The following NLRC4 variants were observed in gnomAD, a reference collection of about 807,000 sequenced individuals.
The protein encoded by NLRC4 is NLR family CARD domain-containing protein 4.
A neutral mutation model predicts 79.9 loss-of-function variants in NLRC4; 63 were observed. The observed-to-expected ratio is 0.79, with a 90% CI of 0.64 to 0.97. The LOEUF (loss-of-function observed/expected upper bound fraction) is 0.97, where lower values mean the gene tolerates loss of function less well. Among genes scored for constraint, NLRC4 ranks in the 50% least tolerant of loss-of-function variants. The pLI is 0.00. For missense variants in NLRC4, 1,074 were observed against 1,215.2 expected (o/e 0.88, Z 1.73); for synonymous variants, 461 against 456.5 (o/e 1.01, Z -0.12).
intron 8 of NLRC4, among the ~76,000 whole-genome samples, chr2:32,231,572 T>TGCCG (rs757448591): frequency 0.065 from 3,884 of 59,384 alleles, 395 homozygotes; most frequent in Middle Eastern, 0.087. Flanking sequence ...TATTTTTTTT[T>TGCCG]GTGGGGGGGG....
At chr2:32,251,624 A>G in intron 3 of NLRC4, 23 bp from the exon 4 acceptor site, 2 of 1,509,052 alleles carry the variant, frequency 1.3e-6, no homozygotes, top group Non-Finnish European at 1.8e-6. Flanking sequence ...AGGTGATGTT[A>G]AAGAAGACCC....
chr2:32,238,252 A>G lies in NLRC4; in HGVS notation c.2401T>C (p.Leu801=), dbSNP rs767362315. Residue 801 remains leucine, a synonymous_variant, in exon 6 of 9, where the codon TTG becomes CTG. Transcript: ENST00000402280. ...KKMCLFHLTH[L]SDIGEGMDYI... is the part of the protein sequence containing the mutation. ...TCCATTCCCTCTCCAATGTCAGACA[A>G]GTGGGTCAAATGAAATAAACACATC... 43 of 1,612,840 alleles carry G rather than the reference A, an allele frequency of 2.7e-5. No homozygotes were observed. The highest frequency in any genetic ancestry group is 3.6e-5 in the Non-Finnish European group (42 of 1,179,616).
rs1687020025 is a variant in NLRC4, at chr2:32,249,697, G to A, written c.2167C>T (p.Pro723Ser). 6.2e-7 allele frequency: 1 copy of A among 1,613,818 alleles called. No homozygotes were observed. Among genetic ancestry groups the A allele is most frequent in the African/African-American group, 1.3e-5 (1 of 74,902 alleles). ...NIYSLMVEAS[P>S]LTIEDERHIT... ...TGCCTCTCATCTTCTATGGTGAGGG[G>A]ACTGGCTTCCACCATGAGAGAATAA... is the stretch of plus-strand genomic sequence containing the variant. Residue 723 changes from proline to serine, a missense_variant, in exon 4 of 9, where the codon CCC (proline) becomes TCC (serine). Coordinates refer to ENST00000402280, the MANE Select transcript of NLRC4 (RefSeq NM_001199138.2).
chr2:32,245,727 C>G (rs1686919870), intron 4 of NLRC4, among the ~76,000 whole-genome samples: 1 of 151,802 alleles, frequency 6.6e-6, no homozygotes, highest in South Asian at 2.1e-4. Context: ...TCTCATGTAC[C>G]CCATAAATAT....
Position 32,227,074 on chromosome 2 carries a change from C to G in NLRC4, c.2783-2309G>C, listed in dbSNP as rs541864315. ...TGTGTGCAACTTCCATGTCACTTTTCCGCTTTTCCCCTCTTCTACTAGGTT... is the reference window on the plus strand; with the variant it reads ...TGTGTGCAACTTCCATGTCACTTTTGCGCTTTTCCCCTCTTCTACTAGGTT... On this transcript the variant is annotated intron_variant, in intron 8 of 8. Coordinates refer to ENST00000402280, the MANE Select transcript of NLRC4 (RefSeq NM_001199138.2). 3.3e-5 allele frequency among the ~76,000 whole-genome samples: 5 copies of G among 152,188 alleles called. No individual in the cohort carries two copies. The East Asian group carries it at 9.6e-4, about 29-fold the overall frequency.
At chr2:32,265,260 A>C (rs750150092), upstream of NLRC4, among the ~76,000 whole-genome samples, 1 of 152,030 alleles carries the variant, frequency 6.6e-6, no homozygotes, top group Non-Finnish European at 1.5e-5. Flanking sequence ...AGCTCACTGC[A>C]ACCTCTGCCT....
rs35323064 is a variant in NLRC4 at position 32,225,409 on chromosome 2, A to ATGTGTGTG, written c.2783-652_2783-645dup. Among the ~76,000 whole-genome samples the ATGTGTGTG allele has an allele frequency of 2.1e-4, 31 of 149,196 alleles. No homozygotes were observed. The East Asian group carries it at 4.3e-3, about 20-fold the overall frequency. ...ACACACACACACATACATACAAAGG[A>ATGTGTGTG]TGTGTGTGTGTGTGTGTGTGTGTGT... On this transcript the variant is annotated intron_variant, in intron 8 of 8. Coordinates refer to ENST00000402280, the MANE Select transcript of NLRC4 (RefSeq NM_001199138.2).
chr2:32,264,405 G>T (rs982506739), intron 1 of NLRC4, among the ~76,000 whole-genome samples: 6 of 145,244 alleles, frequency 4.1e-5, no homozygotes, highest in Admixed American at 7.0e-5. Context: ...CTGCAGTCCA[G>T]CCTGGGTGAC....
Position 32,251,218 on chromosome 2 carries a change from G to C in NLRC4, c.646C>G (p.Leu216Val), listed in dbSNP as rs992667122. 1 of 1,614,058 alleles carries C rather than the reference G, an allele frequency of 6.2e-7. No individual in the cohort carries two copies. Among genetic ancestry groups the C allele is most frequent in the Non-Finnish European group, 8.5e-7 (1 of 1,180,028 alleles). The stretch of plus-strand genomic sequence containing the variant: ...GGTATATCCAGGAGTTGATCACAGA[G>C]GGTTTCAAAAAGTCCACCCTGGGCC... ...SRAQGGLFET[L>V]CDQLLDIPGT... is the part of the protein sequence containing the mutation. The change falls in exon 4 of 9, where the codon CTC becomes GTC. Residue 216 changes from leucine to valine, a missense_variant. Leu to Val is a conservative substitution (Grantham distance 32). Coordinates refer to ENST00000402280, the MANE Select transcript of NLRC4 (RefSeq NM_001199138.2).
chr2:32,250,250 T>C lies in NLRC4; in HGVS notation c.1614A>G (p.Lys538=). ...LWRQESLQSV[K]NTTEQEILKA... is the part of the protein sequence containing the mutation. ...TCAGAATTTCTTGCTCAGTGGTGTT[T>C]TTCACACTTTGCAAAGATTCCTGTC... The change falls in exon 4 of 9, where the codon AAA becomes AAG. Residue 538 remains lysine (K), a synonymous_variant. Transcript: ENST00000402280. The surrounding 1 kb of genome is among the most constrained non-coding windows in gnomAD (Gnocchi z 4.9). 1.2e-6 allele frequency: 2 copies of C among 1,614,170 alleles called. No homozygotes were observed. The highest frequency in any genetic ancestry group is 1.7e-6 in the Non-Finnish European group (2 of 1,180,048).
Position 32,250,833 on chromosome 2 carries a change from GTGA to G in NLRC4, c.1028_1030del (p.Ile343del). On this transcript the variant is annotated inframe_deletion, in exon 4 of 9. Coordinates refer to ENST00000402280, the MANE Select transcript of NLRC4 (RefSeq NM_001199138.2). This position sits in a 1 kb window ranked among gnomAD's most constrained non-coding sequence, Gnocchi z 4.9. Reference sequence around the variant, plus strand: ...ACTTTCACCCATCTGGATTGCACAAGTGATGACCACAAAGAGAGGGGTCTTCAT... The same window carrying G: ...ACTTTCACCCATCTGGATTGCACAAGTGACCACAAAGAGAGGGGTCTTCAT... 3 of 1,614,218 alleles carry G rather than the reference GTGA, an allele frequency of 1.9e-6. No homozygotes were observed. Among genetic ancestry groups the G allele is most frequent in the Non-Finnish European group, 2.5e-6 (3 of 1,180,032 alleles).
chr2:32,228,630 T>C (rs1057440158), intron 8 of NLRC4, among the ~76,000 whole-genome samples: 3 of 152,192 alleles, frequency 2.0e-5, no homozygotes, highest in African/African-American at 7.2e-5. Context: ...TTCAGTAGAC[T>C]GCATCTACTC....
chr2:32,235,581 A>C lies in NLRC4; in HGVS notation c.2615-13T>G, dbSNP rs1349486917. On this transcript the variant is annotated splice_polypyrimidine_tract_variant and intron_variant, in intron 7 of 8. Coordinates refer to ENST00000402280, the MANE Select transcript of NLRC4 (RefSeq NM_001199138.2). ...TTCATCCTGTCGACTGGAAGAAACAAAGAGCAGTTCAGGGACTGGATGGTC... is the reference window on the plus strand; with the variant it reads ...TTCATCCTGTCGACTGGAAGAAACACAGAGCAGTTCAGGGACTGGATGGTC... 6.2e-7 allele frequency: 1 copy of C among 1,612,006 alleles called. No homozygotes were observed.
Position 32,225,945 on chromosome 2 carries a change from T to C in NLRC4, c.2783-1180A>G, listed in dbSNP as rs1686381973. ...AGATAATGTTCCAGAAACTGACCCT[T>C]ATGGAAATGAAGGTCCATGATTCAG... On this transcript the variant is annotated intron_variant, in intron 8 of 8. Transcript: ENST00000402280. 3.3e-5 allele frequency among the ~76,000 whole-genome samples: 5 copies of C among 152,186 alleles called. No homozygotes were observed. In the South Asian group the frequency reaches 1.0e-3, roughly 32 times the overall value.
At chr2:32,230,625 C>T (rs1273136934) in intron 8 of NLRC4, among the ~76,000 whole-genome samples, 1 of 152,150 alleles carries the variant, frequency 6.6e-6, no homozygotes, top group East Asian at 1.9e-4. Context: ...GCATGTGCCA[C>T]CACACACAGC....
At chr2:32,257,657 TG>T (rs963513391) in intron 1 of NLRC4, among the ~76,000 whole-genome samples, 1 of 148,066 alleles carries the variant, frequency 6.8e-6, no homozygotes. Flanking sequence ...GCCAGGTAGT[TG>T]GGCTGGGGTG....
intron 8 of NLRC4, among the ~76,000 whole-genome samples, chr2:32,227,591 C>T (rs1221853525): frequency 2.6e-5 from 4 of 152,158 alleles, no homozygotes; most frequent in African/African-American, 9.7e-5. Context: ...TTTTCACCAC[C>T]TAAAAGGAAT....
chr2:32,261,499 A>T (rs1558464213), intron 1 of NLRC4, among the ~76,000 whole-genome samples: 1 of 148,028 alleles, frequency 6.8e-6, no homozygotes, highest in African/African-American at 2.5e-5. Context: ...TTTAGTAGAG[A>T]TGGGGTTTCA....
At chr2:32,229,613 C>G (rs1278441710) in intron 8 of NLRC4, among the ~76,000 whole-genome samples, 1 of 152,172 alleles carries the variant, frequency 6.6e-6, no homozygotes, top group Non-Finnish European at 1.5e-5. Context: ...CAAATGCAAT[C>G]TCTGAGGAAG....
Sources: allele counts gnomAD v4.1 joint callset (sites outside exome capture counted in the v4.1 genomes callset), GRCh38; gene constraint gnomAD v4.1.1; non-coding constraint Gnocchi (gnomAD v3.1); transcripts MANE v1.5; gene names NCBI Gene and HGNC (gene_info 2026-07-23, HGNC 2026-07-21).